Variants in USP47 observed in about 807,000 individuals in gnomAD.
USP47 encodes the protein ubiquitin specific peptidase 47.
In USP47, 35 loss-of-function variants were observed where a neutral mutation model predicts 165.1. That is an observed-to-expected ratio of 0.21 (90% CI 0.16 to 0.28). The LOEUF (loss-of-function observed/expected upper bound fraction) is 0.28. USP47 is among the 10% of genes least tolerant of loss of function. The pLI is 1.00. For synonymous variants in USP47, 531 were observed against 544.5 expected (o/e 0.98, Z 0.35); for missense variants, 1,277 against 1,607.4 (o/e 0.79, Z 3.52).
intron 1 of USP47, among the ~76,000 whole-genome samples, chr11:11,864,109 C>A (rs1173985529): frequency 2.0e-5 from 3 of 151,982 alleles, no homozygotes; most frequent in Non-Finnish European, 4.4e-5. Context: ...ATATCTATTT[C>A]TCTCTAATAT....
At chr11:11,929,412 T>TA (rs748159422) in intron 11 of USP47, 22 bp from the exon 12 acceptor site, 1 of 1,609,038 alleles carries the variant, frequency 6.2e-7, no homozygotes, top group East Asian at 2.2e-5. Context: ...TCCTCTGAGT[T>TA]ACTTTTATTT....
intron 1 of USP47, among the ~76,000 whole-genome samples, chr11:11,874,062 G>GA (rs1006396379): frequency 2.6e-5 from 4 of 152,092 alleles, no homozygotes; most frequent in Non-Finnish European, 4.4e-5. Flanking sequence ...GAATGAGGGA[G>GA]AAAAAACTGA....
intron 1 of USP47, among the ~76,000 whole-genome samples, chr11:11,855,670 A>G (rs1848998540): frequency 6.6e-6 from 1 of 152,358 alleles, no homozygotes; most frequent in Admixed American, 6.5e-5. Flanking sequence ...ATTTTTTAGT[A>G]CAACCAAAGC....
intron 3 of USP47, among the ~76,000 whole-genome samples, chr11:11,889,859 C>T (rs1851398991): frequency 6.6e-6 from 1 of 152,060 alleles, no homozygotes; most frequent in Non-Finnish European, 1.5e-5. Context: ...AGAACAGACA[C>T]ATAGACCAAT....
chr11:11,856,531 C>G (rs1849049505), intron 1 of USP47: 1 of 152,070 alleles, frequency 6.6e-6, no homozygotes, highest in Non-Finnish European at 1.5e-5. Context: ...ATAATTGTTA[C>G]ATATTTGATA....
intron 1 of USP47, among the ~76,000 whole-genome samples, chr11:11,866,496 G>GT (rs1024069811): frequency 6.6e-6 from 1 of 152,152 alleles, no homozygotes; most frequent in Non-Finnish European, 1.5e-5. Context: ...CTGGAAAGTT[G>GT]TCGTGGTGAT....
At chr11:11,873,492 G>A (rs1322571380) in intron 1 of USP47, among the ~76,000 whole-genome samples, 2 of 152,028 alleles carry the variant, frequency 1.3e-5, no homozygotes, top group Admixed American at 1.3e-4. Context: ...GCAGAGAACT[G>A]CAGAATTTCT....
Position 11,956,258 on chromosome 11 carries a change from G to T in USP47, c.*83G>T. ...ACCACTGGGTAGTGCCATTTTGGCC[G>T]GACATGGTTGGGGTAACCCAGTGAC... On this transcript the variant is annotated 3_prime_UTR_variant, in exon 28 of 28. Coordinates refer to ENST00000527733, the MANE Select transcript of USP47 (RefSeq NM_001282659.2). 7 of 1,510,734 alleles carry T rather than the reference G, an allele frequency of 4.6e-6. No individual in the cohort carries two copies. Among genetic ancestry groups the T allele is most frequent in the Non-Finnish European group, 6.3e-6 (7 of 1,102,864 alleles). 93.6% of individuals were successfully genotyped at this position (1,510,734 alleles called of 1,614,324 possible).
Position 11,923,041 on chromosome 11 carries a change from C to CATATATAT in USP47, c.1386+187_1386+194dup, listed in dbSNP as rs56976706. The CATATATAT allele has an allele frequency of 4.0e-3, 564 of 139,848 alleles. 20 individuals are homozygous for CATATATAT. The highest frequency in any genetic ancestry group is 6.5e-3 in the Middle Eastern group (2 of 308). 8.7% of individuals were successfully genotyped at this position (139,848 alleles called of 1,614,324 possible). A position where few individuals can be genotyped will look rare whatever the true frequency, so the allele number is the denominator to read the frequency against. On this transcript the variant is annotated intron_variant, in intron 11 of 27. Transcript: ENST00000527733. ...ACTTCTCAAATATAGTTTTTTTGTA[C>CATATATAT]ATATATATATATATATATATATATA...
chr11:11,915,957 T>G (rs540595710), intron 8 of USP47, among the ~76,000 whole-genome samples: 2 of 152,322 alleles, frequency 1.3e-5, no homozygotes, highest in East Asian at 3.9e-4. Flanking sequence ...AATTGATGAA[T>G]AATTCATATG....
At chr11:11,936,227 T>G in intron 16 of USP47, 76 bp from the exon 17 acceptor site, 1 of 764,380 alleles carries the variant, frequency 1.3e-6, no homozygotes, top group Non-Finnish European at 1.7e-6. Flanking sequence ...ACTAAAACAC[T>G]GTGTATTTAT....
intron 1 of USP47, chr11:11,873,889 GATA>G: frequency 7.5e-7 from 1 of 1,325,830 alleles, no homozygotes; most frequent in South Asian, 1.6e-5. Flanking sequence ...GCTTTAATGT[GATA>G]ATCAGCAGAG....
chr11:11,878,371 T>C (rs1223090197), intron 1 of USP47, among the ~76,000 whole-genome samples: 1 of 152,216 alleles, frequency 6.6e-6, no homozygotes, highest in African/African-American at 2.4e-5. Flanking sequence ...AGACTTGATC[T>C]ATCCCTGAAG....
rs1281107644 is a variant in USP47, at chr11:11,936,506, T to C, written c.2073T>C (p.Pro691=). Residue 691 remains proline (P), a synonymous_variant, in exon 17 of 28, where the codon CCT becomes CCC. Transcript: ENST00000527733. ...ATCAGGTTTTCCAATCTTATAAACCTGGAGGTGAGCAATTTTACACTATTT... is the reference window on the plus strand; with the variant it reads ...ATCAGGTTTTCCAATCTTATAAACCCGGAGGTGAGCAATTTTACACTATTT... ...KPDQVFQSYK[P]GEVMVKVHVV... is the part of the protein sequence containing the mutation. 2 of 1,575,706 alleles carry C rather than the reference T, an allele frequency of 1.3e-6. No homozygotes were observed. Among genetic ancestry groups the C allele is most frequent in the South Asian group, 1.2e-5 (1 of 85,222 alleles).
At chr11:11,955,010 T>C (rs1333555750) in intron 26 of USP47, 24 bp from the exon 27 acceptor site, 1 of 1,613,476 alleles carries the variant, frequency 6.2e-7, no homozygotes, top group South Asian at 1.1e-5. Flanking sequence ...GCATGATTTA[T>C]TCATTCATTC....
At chr11:11,865,291 G>A (rs1564855481) in intron 1 of USP47, among the ~76,000 whole-genome samples, 2 of 152,062 alleles carry the variant, frequency 1.3e-5, no homozygotes, top group South Asian at 4.1e-4. Flanking sequence ...TGACATGAAT[G>A]TTGGATCTTT....
intron 5 of USP47, among the ~76,000 whole-genome samples, chr11:11,898,518 A>G (rs1467240996): frequency 6.6e-6 from 1 of 152,090 alleles, no homozygotes; most frequent in Non-Finnish European, 1.5e-5. Flanking sequence ...AACTTACAGA[A>G]GTTGATGTAT....
chr11:11,895,173 C>T (rs550081111), intron 4 of USP47, among the ~76,000 whole-genome samples: 1 of 151,896 alleles, frequency 6.6e-6, no homozygotes, highest in East Asian at 1.9e-4. Context: ...GATAAAAATT[C>T]CCAGAAATTA....
At chr11:11,869,875 C>CT (rs1849923035) in intron 1 of USP47, among the ~76,000 whole-genome samples, 2 of 152,130 alleles carry the variant, frequency 1.3e-5, no homozygotes, top group Admixed American at 6.5e-5. Context: ...CCATGTGATG[C>CT]CTTCTGTCAT....
Sources: gnomAD v4.1 joint callset for allele counts (sites outside exome capture counted in the v4.1 genomes callset) on GRCh38, gnomAD v4.1.1 for gene constraint, MANE v1.5 for transcripts, NCBI Gene and HGNC (gene_info 2026-07-23, HGNC 2026-07-21) for gene names.